Variants in APPBP2 observed in about 807,000 individuals in gnomAD.
The protein encoded by APPBP2 is amyloid protein-binding protein 2.
In APPBP2, 15 loss-of-function variants were observed where a neutral mutation model predicts 76.0. That is an observed-to-expected ratio of 0.20 (90% confidence interval 0.13 to 0.30). APPBP2 has a LOEUF of 0.30. Among genes scored for constraint, APPBP2 ranks in the 10% least tolerant of loss-of-function variants. APPBP2 has a pLI of 1.00. For missense variants in APPBP2, 401 were observed against 687.2 expected (o/e 0.58, Z 4.66); for synonymous variants, 222 against 242.2 (o/e 0.92, Z 0.77).
chr17:60,507,730 T>C (rs1377392509), intron 1 of APPBP2, among the ~76,000 whole-genome samples: 1 of 152,212 alleles, frequency 6.6e-6, no homozygotes, highest in Non-Finnish European at 1.5e-5. Context: ...TTTGATACTT[T>C]GGGAAAAACC....
At chr17:60,521,778 A>AT (rs146765975) in intron 1 of APPBP2, among the ~76,000 whole-genome samples, 8,126 of 150,568 alleles carry the variant, frequency 0.054, 708 homozygotes, top group African/African-American at 0.19. Flanking sequence ...ACATTATGAG[A>AT]TTTTTTTTTT....
chr17:60,447,877 A>G, intron 12 of APPBP2, 43 bp from the exon 13 acceptor site: 1 of 1,519,210 alleles, frequency 6.6e-7, no homozygotes, highest in Non-Finnish European at 8.8e-7. Flanking sequence ...AGCACAAATA[A>G]TGAGATAACA....
At position 60,443,447 on chromosome 17, in the gene APPBP2, G is replaced by A. The variant is rs368776914; in HGVS notation, c.*4134C>T. The A allele has an allele frequency of 7.2e-5, 11 of 152,676 alleles. No homozygotes were observed. The East Asian group carries it at 1.9e-3, about 27-fold the overall frequency. 9.5% of individuals were successfully genotyped at this position (152,676 alleles called of 1,614,324 possible). On this transcript the variant is annotated 3_prime_UTR_variant, in exon 13 of 13. Coordinates refer to ENST00000083182, the MANE Select transcript of APPBP2 (RefSeq NM_006380.5). ...GTTTTGTTTTTAACTGTTCCATTAAGAACTTTTTATTTTGAGCCTATTAAA... is the reference window on the plus strand; with the variant it reads ...GTTTTGTTTTTAACTGTTCCATTAAAAACTTTTTATTTTGAGCCTATTAAA...
At chr17:60,502,186 C>CTT (rs1248650891) in intron 1 of APPBP2, among the ~76,000 whole-genome samples, 2 of 152,194 alleles carry the variant, frequency 1.3e-5, no homozygotes, top group African/African-American at 4.8e-5. Flanking sequence ...CTCAGACTCT[C>CTT]TGAGTGCTGG....
At chr17:60,487,496 G>A (rs1458141400) in intron 3 of APPBP2, among the ~76,000 whole-genome samples, 1 of 151,980 alleles carries the variant, frequency 6.6e-6, no homozygotes, top group Non-Finnish European at 1.5e-5. Context: ...GGCTACTGAA[G>A]CATGTGCATG....
chr17:60,465,895 G>A (rs1453430442), intron 5 of APPBP2, among the ~76,000 whole-genome samples: 1 of 152,110 alleles, frequency 6.6e-6, no homozygotes, highest in East Asian at 1.9e-4. Context: ...GAGTACAGTG[G>A]TATAAATATG....
chr17:60,525,656 A>G lies in APPBP2; in HGVS notation c.138+138T>C, dbSNP rs73330255. 0.017 allele frequency: 22,679 copies of G among 1,342,338 alleles called. 2,958 individuals are homozygous for G. In the African/African-American group the frequency reaches 0.29, roughly 17 times the overall value. The allele number at this position is 1,342,338 out of a possible 1,614,324, so 83.2% of individuals were successfully genotyped here. On this transcript the variant is annotated intron_variant, in intron 1 of 12. Coordinates refer to ENST00000083182, the MANE Select transcript of APPBP2 (RefSeq NM_006380.5). ...TGGGGTGCTTCTCCACTGGCAATGC[A>G]GACACCGCACCAGACGTTTCGGGAG...
rs945896545 is a variant in APPBP2, at chr17:60,449,320, G to A, written c.1505-1486C>T. Reference sequence around the variant, plus strand: ...AAAAAAGAGTCTTTTGGCCAGGAGCGGTGGCTCACGCCTGTAATCCCAGCA... The same window carrying A: ...AAAAAAGAGTCTTTTGGCCAGGAGCAGTGGCTCACGCCTGTAATCCCAGCA... On this transcript the variant is annotated intron_variant, in intron 12 of 12. Coordinates refer to ENST00000083182, the MANE Select transcript of APPBP2 (RefSeq NM_006380.5). Among the ~76,000 whole-genome samples, 4 of 152,156 alleles carry A rather than the reference G, an allele frequency of 2.6e-5. No individual in the cohort carries two copies. In the South Asian group the frequency reaches 6.2e-4, roughly 24 times the overall value.
At chr17:60,504,042 C>T (rs781433868) in intron 1 of APPBP2, among the ~76,000 whole-genome samples, 5 of 151,980 alleles carry the variant, frequency 3.3e-5, no homozygotes, top group African/African-American at 9.7e-5. Flanking sequence ...AGGTTAATCC[C>T]CTCATAGATT....
chr17:60,477,089 AAG>A (rs760413107), intron 4 of APPBP2, among the ~76,000 whole-genome samples: 8 of 152,342 alleles, frequency 5.3e-5, no homozygotes, highest in Non-Finnish European at 1.0e-4. Flanking sequence ...TGATTTAAAA[AAG>A]AGTCAGCTGG....
chr17:60,499,556 TTC>T, intron 2 of APPBP2, among the ~76,000 whole-genome samples: 1 of 152,262 alleles, frequency 6.6e-6, no homozygotes, highest in South Asian at 2.1e-4. Flanking sequence ...GCAATTCAAC[TTC>T]TGAGTATATA....
At chr17:60,521,033 C>A (rs2091006298) in intron 1 of APPBP2, among the ~76,000 whole-genome samples, 2 of 152,188 alleles carry the variant, frequency 1.3e-5, no homozygotes, top group African/African-American at 4.8e-5. Context: ...TGGGCTCAAA[C>A]CATCTTCCTG....
chr17:60,504,223 C>CT (rs1410869473), intron 1 of APPBP2, among the ~76,000 whole-genome samples: 14 of 152,032 alleles, frequency 9.2e-5, no homozygotes, highest in Non-Finnish European at 5.9e-5. Context: ...CTACCTTAAA[C>CT]AAAAGGGAAA....
intron 4 of APPBP2, among the ~76,000 whole-genome samples, chr17:60,471,434 G>A (rs1416152664): frequency 6.6e-6 from 1 of 152,044 alleles, no homozygotes; most frequent in African/African-American, 2.4e-5. Context: ...TATAGAGTAT[G>A]ATGTTATTGT....
chr17:60,460,953 G>C, intron 8 of APPBP2, 166 bp from the exon 9 acceptor site: 2 of 483,626 alleles, frequency 4.1e-6, no homozygotes. Context: ...TCACCTAGAA[G>C]TCCTGAATTT....
intron 9 of APPBP2, among the ~76,000 whole-genome samples, chr17:60,458,382 C>A (rs894776948): frequency 1.3e-5 from 2 of 150,626 alleles, no homozygotes; most frequent in Admixed American, 6.6e-5. Context: ...TGCAGTCAGC[C>A]GAGATCACGC....
At position 60,445,346 on chromosome 17, in the gene APPBP2, T is replaced by G. The variant is rs1276284002; in HGVS notation, c.*2235A>C. ...GTTTTATCACTGAGTGTGAGCTAAG[T>G]TGAGTTCAAATGGAGTTAGGGAGGA... On this transcript the variant is annotated 3_prime_UTR_variant, in exon 13 of 13. Coordinates refer to ENST00000083182, the MANE Select transcript of APPBP2 (RefSeq NM_006380.5). 3 of 152,564 alleles carry G rather than the reference T, an allele frequency of 2.0e-5. No homozygotes were observed. Among genetic ancestry groups the G allele is most frequent in the Non-Finnish European group, 4.4e-5 (3 of 68,010 alleles). 9.5% of individuals were successfully genotyped at this position (152,564 alleles called of 1,614,324 possible). A position where few individuals can be genotyped will look rare whatever the true frequency, so the allele number is the denominator to read the frequency against.
At chr17:60,524,825 G>A (rs954390269) in intron 1 of APPBP2, among the ~76,000 whole-genome samples, 1 of 152,188 alleles carries the variant, frequency 6.6e-6, no homozygotes, top group Non-Finnish European at 1.5e-5. Flanking sequence ...TTTTGCATGG[G>A]TGGCTACTGG....
At chr17:60,465,358 C>T (rs1162317152) in intron 5 of APPBP2, among the ~76,000 whole-genome samples, 2 of 152,196 alleles carry the variant, frequency 1.3e-5, no homozygotes, top group African/African-American at 2.4e-5. Flanking sequence ...TCTGCATAAC[C>T]TAGCCTATCC....
Sources: allele counts gnomAD v4.1 joint callset (sites outside exome capture counted in the v4.1 genomes callset), GRCh38; gene constraint gnomAD v4.1.1; transcripts MANE v1.5; gene names NCBI Gene and HGNC (gene_info 2026-07-23, HGNC 2026-07-21).